EPHA3: variants seen among roughly 807,000 people sequenced by gnomAD.
The protein encoded by EPHA3 is EPH receptor A3.
Under a neutral mutation model 107.1 loss-of-function variants are expected in EPHA3, and 42 were observed. The observed-to-expected ratio is 0.39, with a 90% confidence interval of 0.31 to 0.51. The LOEUF (loss-of-function observed/expected upper bound fraction) is 0.51. Among genes scored for constraint, EPHA3 ranks in the 20% least tolerant of loss-of-function variants. The pLI, the probability that EPHA3 is intolerant of heterozygous loss-of-function variation, is 0.78. For missense variants in EPHA3, 1,183 were observed against 1,211.2 expected, an observed-to-expected ratio of 0.98 and a Z score of 0.35; for synonymous variants, 461 against 424.8, an observed-to-expected ratio of 1.09 and a Z score of -1.05.
intron 10 of EPHA3, among the ~76,000 whole-genome samples, chr3:89,416,997 T>C (rs1359005786): frequency 1.3e-5 from 2 of 151,526 alleles, no homozygotes; most frequent in Admixed American, 1.3e-4. Context: ...TTCATATTCA[T>C]TTGTCAGTTT....
At chr3:89,333,716 T>C (rs956888258) in intron 3 of EPHA3, among the ~76,000 whole-genome samples, 1 of 151,884 alleles carries the variant, frequency 6.6e-6, no homozygotes, top group Non-Finnish European at 1.5e-5. Context: ...TTACTAAAAA[T>C]ACAAAAATTA....
At chr3:89,433,601 A>T (rs907900712) in intron 13 of EPHA3, among the ~76,000 whole-genome samples, 5 of 151,800 alleles carry the variant, frequency 3.3e-5, no homozygotes, top group East Asian at 1.9e-4. Context: ...ATGAATCTAA[A>T]TTTTTTTTTA....
chr3:89,150,319 T>C (rs1419874371), intron 2 of EPHA3, among the ~76,000 whole-genome samples: 1 of 152,016 alleles, frequency 6.6e-6, no homozygotes, highest in Non-Finnish European at 1.5e-5. Context: ...GTCAACATGG[T>C]CTTTAGGAAA....
intron 7 of EPHA3, among the ~76,000 whole-genome samples, chr3:89,401,121 A>G (rs1165649586): frequency 6.6e-6 from 1 of 152,230 alleles, no homozygotes; most frequent in Non-Finnish European, 1.5e-5. Flanking sequence ...ACCTAAAAAT[A>G]TAAGAATCAT....
intron 13 of EPHA3, among the ~76,000 whole-genome samples, chr3:89,440,547 G>A (rs963157783): frequency 6.6e-6 from 1 of 152,184 alleles, no homozygotes; most frequent in Non-Finnish European, 1.5e-5. Context: ...TACCGCATGA[G>A]CTGACTTCAG....
chr3:89,392,587 G>GA (rs1449597294), intron 5 of EPHA3, among the ~76,000 whole-genome samples: 4 of 151,254 alleles, frequency 2.6e-5, no homozygotes, highest in African/African-American at 9.7e-5. Context: ...TAAGGAAGTT[G>GA]AAAGTTTTTT....
At chr3:89,294,722 A>T (rs1465897203) in intron 3 of EPHA3, among the ~76,000 whole-genome samples, 2 of 152,164 alleles carry the variant, frequency 1.3e-5, no homozygotes, top group East Asian at 3.9e-4. Flanking sequence ...ATTTGGACAT[A>T]TAGAGCACAG....
chr3:89,439,057 T>C (rs1177877085), intron 13 of EPHA3, among the ~76,000 whole-genome samples: 3 of 152,180 alleles, frequency 2.0e-5, no homozygotes, highest in Non-Finnish European at 2.9e-5. Flanking sequence ...AGGCAGTCTG[T>C]AGAGAATGCA....
At chr3:89,411,829 A>G (rs1415855381) in intron 9 of EPHA3, among the ~76,000 whole-genome samples, 3 of 151,894 alleles carry the variant, frequency 2.0e-5, no homozygotes, top group African/African-American at 2.4e-5. Context: ...ACTCAAAGAA[A>G]CGATTGGTTC....
chr3:89,263,600 G>A (rs1352902336), intron 3 of EPHA3, among the ~76,000 whole-genome samples: 1 of 152,112 alleles, frequency 6.6e-6, no homozygotes, highest in East Asian at 1.9e-4. Context: ...CATTTCTGAA[G>A]TTACGCCGTC....
At chr3:89,161,512 C>T (rs1559758256) in intron 2 of EPHA3, among the ~76,000 whole-genome samples, 2 of 151,784 alleles carry the variant, frequency 1.3e-5, no homozygotes, top group South Asian at 4.2e-4. Context: ...AAAGAGCTTC[C>T]TTGTTCTTTA....
At chr3:89,250,283 T>C (rs1705130384) in intron 3 of EPHA3, among the ~76,000 whole-genome samples, 1 of 152,204 alleles carries the variant, frequency 6.6e-6, no homozygotes, top group Non-Finnish European at 1.5e-5. Context: ...TCATGGAAAC[T>C]TTATCAACAA....
intron 3 of EPHA3, among the ~76,000 whole-genome samples, chr3:89,219,965 C>T (rs1459546619): frequency 6.6e-6 from 1 of 151,482 alleles, no homozygotes; most frequent in African/African-American, 2.4e-5. Flanking sequence ...GCCTCGGCCT[C>T]CCAAAGTGCT....
At chr3:89,414,690 G>A (rs1709215110) in intron 10 of EPHA3, among the ~76,000 whole-genome samples, 1 of 151,604 alleles carries the variant, frequency 6.6e-6, no homozygotes, top group South Asian at 2.1e-4. Context: ...AAGCCAGGCA[G>A]ACATTATTAT....
intron 3 of EPHA3, among the ~76,000 whole-genome samples, chr3:89,296,659 TA>T (rs1345836985): frequency 6.6e-6 from 1 of 152,188 alleles, no homozygotes; most frequent in East Asian, 1.9e-4. Context: ...GGTTTCAGCT[TA>T]AAGTCACCAG....
rs764752292 is a variant in EPHA3 at position 89,472,600 on chromosome 3, A to G, written c.2827A>G (p.Ile943Val). 5.6e-6 allele frequency: 9 copies of G among 1,611,950 alleles called. No homozygotes were observed. The highest frequency in any genetic ancestry group is 3.3e-4 in the Middle Eastern group (2 of 6,040). ...TGTGGAGTACAGTTCTTGTGACACA[A>G]TAGCCAAGATTTCCACAGAGTAAGA... ...TGVEYSSCDT[I>V]AKISTDDMKK... Residue 943 changes from isoleucine (I) to valine (V), a missense_variant, in exon 16 of 17, where the codon ATA becomes GTA. Ile to Val is a conservative substitution (Grantham distance 29). Coordinates refer to ENST00000336596, the MANE Select transcript of EPHA3 (RefSeq NM_005233.6).
intron 3 of EPHA3, among the ~76,000 whole-genome samples, chr3:89,265,811 G>A (rs1705525916): frequency 6.6e-6 from 1 of 152,096 alleles, no homozygotes; most frequent in Non-Finnish European, 1.5e-5. Flanking sequence ...GCACTGGTTA[G>A]ATACCTGGGC....
intron 5 of EPHA3, among the ~76,000 whole-genome samples, chr3:89,393,324 T>G (rs965568121): frequency 6.6e-6 from 1 of 152,210 alleles, no homozygotes; most frequent in Non-Finnish European, 1.5e-5. Flanking sequence ...TCAACAGTTA[T>G]AAAGTCCTGC....
At chr3:89,321,581 GT>G (rs919430669) in intron 3 of EPHA3, among the ~76,000 whole-genome samples, 3 of 152,032 alleles carry the variant, frequency 2.0e-5, no homozygotes, top group Non-Finnish European at 4.4e-5. Context: ...TCTAAGAAAT[GT>G]TTAACTTATT....
Sources: gnomAD v4.1 joint callset for allele counts (sites outside exome capture counted in the v4.1 genomes callset) on GRCh38, gnomAD v4.1.1 for gene constraint, MANE v1.5 for transcripts, NCBI Gene and HGNC (gene_info 2026-07-23, HGNC 2026-07-21) for gene names.